The following CCDC28A variants were observed in gnomAD, a reference collection of about 807,000 sequenced individuals.
CCDC28A encodes coiled-coil domain-containing protein 28A.
A neutral mutation model predicts 22.1 loss-of-function variants in CCDC28A; 24 were observed. The ratio of observed to expected loss-of-function variants is 1.09; its 90% CI spans 0.79 to 1.53. CCDC28A has a LOEUF of 1.53. Ranked by LOEUF, CCDC28A falls within the 40% of genes most tolerant of loss-of-function variation. The pLI is 0.00. For synonymous variants in CCDC28A, 83 were observed against 74.7 expected, an observed-to-expected ratio of 1.11 and a Z score of -0.57; for missense variants, 170 against 210.7, an observed-to-expected ratio of 0.81 and a Z score of 1.20.
intron 3 of CCDC28A, among the ~76,000 whole-genome samples, chr6:138,782,924 C>A (rs769572506): frequency 5.9e-5 from 9 of 151,810 alleles, no homozygotes; most frequent in Non-Finnish European, 1.2e-4. Flanking sequence ...CTGTATAGTA[C>A]CTTTAGGAAA....
chr6:138,783,599 G>A (rs867310613), intron 3 of CCDC28A, among the ~76,000 whole-genome samples: 245 of 151,908 alleles, frequency 1.6e-3, no homozygotes, highest in African/African-American at 5.4e-3. Context: ...CACCACGCCC[G>A]GCTAATTTTT....
intron 5 of CCDC28A, among the ~76,000 whole-genome samples, 173 bp downstream of exon 5, chr6:138,788,561 T>C (rs555797023): frequency 0.028 from 3,566 of 128,646 alleles, 188 homozygotes; most frequent in African/African-American, 0.096. Flanking sequence ...TTTCTCTTTT[T>C]TCTTTTCTTT....
chr6:138,784,202 CAA>C (rs1354743969), intron 3 of CCDC28A, among the ~76,000 whole-genome samples: 4 of 152,008 alleles, frequency 2.6e-5, no homozygotes, highest in African/African-American at 9.7e-5. Flanking sequence ...GAATTTCACT[CAA>C]ATTATTACAA....
Position 138,776,220 on chromosome 6 carries a change from A to G in CCDC28A, c.100A>G (p.Ser34Gly). 1 of 1,614,154 alleles carries G rather than the reference A, an allele frequency of 6.2e-7. No homozygotes were observed. Among genetic ancestry groups the G allele is most frequent in the South Asian group, 1.1e-5 (1 of 91,082 alleles). Residue 34 changes from serine to glycine, a missense_variant, in exon 2 of 6, where the codon AGC becomes GGC. By Grantham distance (56) the Ser-to-Gly change is moderately conservative. Transcript: ENST00000617445. ...AAAAAATGCCATTCCAGTGAGTAAA[A>G]GCACAGGGTTTTCAAATCCTGCATC... is the stretch of plus-strand genomic sequence containing the variant. ...AKKNAIPVSK[S>G]TGFSNPASQS... is the part of the protein sequence containing the mutation.
At chr6:138,787,802 T>C (rs1775114379) in intron 4 of CCDC28A, among the ~76,000 whole-genome samples, 1 of 151,884 alleles carries the variant, frequency 6.6e-6, no homozygotes. Context: ...AGTGCTGGGA[T>C]TACAGGCAAG....
At chr6:138,785,089 GA>G in intron 3 of CCDC28A, 137 bp from the exon 4 acceptor site, 1 of 522,756 alleles carries the variant, frequency 1.9e-6, no homozygotes, top group South Asian at 3.9e-5. Flanking sequence ...ATTAAACACA[GA>G]AAATATTAAT....
chr6:138,773,927 T>C, intron 1 of CCDC28A, 25 bp downstream of exon 1: 1 of 1,608,494 alleles, frequency 6.2e-7, no homozygotes, highest in Non-Finnish European at 8.5e-7. Flanking sequence ...CAAAGGAACC[T>C]CCGCAACCTG....
chr6:138,775,121 A>G (rs1278692837), intron 1 of CCDC28A, among the ~76,000 whole-genome samples: 2 of 152,156 alleles, frequency 1.3e-5, no homozygotes, highest in African/African-American at 4.8e-5. Context: ...TTGTATTTTT[A>G]GTAGAGACGG....
At chr6:138,779,792 TA>T (rs1403402043) in intron 2 of CCDC28A, 29 bp from the exon 3 acceptor site, 1 of 1,574,360 alleles carries the variant, frequency 6.4e-7, no homozygotes, top group East Asian at 2.3e-5. Context: ...TAGAATAGCC[TA>T]AAAAGCCTAA....
rs1268949560 is a variant in CCDC28A at position 138,792,821 on chromosome 6, T to A, written c.*18T>A. The stretch of plus-strand genomic sequence containing the variant: ...CTAGCTAAAATGAAATGTAGTTTGC[T>A]TTCTTGTGATTTGAAGAGAAGCAGC... On this transcript the variant is annotated 3_prime_UTR_variant, in exon 6 of 6. Coordinates refer to ENST00000617445, the MANE Select transcript of CCDC28A (RefSeq NM_015439.3). 1 of 1,570,988 alleles carries A rather than the reference T, an allele frequency of 6.4e-7. No homozygotes were observed. Among genetic ancestry groups the A allele is most frequent in the South Asian group, 1.1e-5 (1 of 89,536 alleles).
intron 5 of CCDC28A, among the ~76,000 whole-genome samples, chr6:138,788,778 C>G (rs1454123371): frequency 1.3e-5 from 2 of 151,704 alleles, no homozygotes; most frequent in Admixed American, 1.3e-4. Context: ...TTGTTGTTTT[C>G]TATGCTGAAA....
chr6:138,785,922 G>T (rs1775088168), intron 4 of CCDC28A, among the ~76,000 whole-genome samples: 1 of 152,144 alleles, frequency 6.6e-6, no homozygotes, highest in Non-Finnish European at 1.5e-5. Context: ...TCAGGTGGCG[G>T]TTACTTGTTT....
chr6:138,774,933 GT>G (rs1226857868), intron 1 of CCDC28A, among the ~76,000 whole-genome samples: 2 of 146,002 alleles, frequency 1.4e-5, no homozygotes, highest in African/African-American at 2.5e-5. Flanking sequence ...TATGGAAGGG[GT>G]TTTTTTGTTT....
intron 3 of CCDC28A, among the ~76,000 whole-genome samples, chr6:138,781,359 A>G (rs1250121853): frequency 1.3e-5 from 2 of 152,190 alleles, no homozygotes; most frequent in Non-Finnish European, 2.9e-5. Context: ...ACCAAACACA[A>G]TGGCATAGTC....
chr6:138,784,428 G>A, intron 3 of CCDC28A, among the ~76,000 whole-genome samples: 1 of 146,738 alleles, frequency 6.8e-6, no homozygotes, highest in Non-Finnish European at 1.5e-5. Flanking sequence ...ACAGCTCACT[G>A]CAACCTTCAC....
chr6:138,789,277 C>T (rs1340052246), intron 5 of CCDC28A, among the ~76,000 whole-genome samples: 1 of 152,128 alleles, frequency 6.6e-6, no homozygotes, highest in Non-Finnish European at 1.5e-5. Context: ...AAGACATCCC[C>T]TTTGAACCAG....
In CCDC28A at chr6:138,773,891, C is replaced by T. The variant is rs1431464182; in HGVS notation, c.-54C>T. On this transcript the variant is annotated 5_prime_UTR_variant, in exon 1 of 6. Transcript: ENST00000617445. ...GGTTGCGGAAGGGGGCCCCAATACC[C>T]TTCTTCTTCAGGTATGTAGTGGAAG... is the stretch of plus-strand genomic sequence containing the variant. The T allele has an allele frequency of 1.9e-6, 3 of 1,613,268 alleles. No individual in the cohort carries two copies. Among genetic ancestry groups the T allele is most frequent in the Admixed American group, 1.7e-5 (1 of 59,992 alleles).
chr6:138,776,080 T>A lies in CCDC28A; in HGVS notation c.-41T>A. Reference sequence around the variant, plus strand: ...ATAATTGCTGTATTCCTTATTTAGGTCTTAAGAAGCTGGCCGTGGTGCAAT... The same window carrying A: ...ATAATTGCTGTATTCCTTATTTAGGACTTAAGAAGCTGGCCGTGGTGCAAT... On this transcript the variant is annotated splice_region_variant and 5_prime_UTR_variant, in exon 2 of 6. Coordinates refer to ENST00000617445, the MANE Select transcript of CCDC28A (RefSeq NM_015439.3). 6.2e-7 allele frequency: 1 copy of A among 1,612,474 alleles called. No homozygotes were observed. Among genetic ancestry groups the A allele is most frequent in the Non-Finnish European group, 8.5e-7 (1 of 1,178,558 alleles).
intron 5 of CCDC28A, among the ~76,000 whole-genome samples, chr6:138,792,161 T>C (rs1003093768): frequency 5.3e-5 from 8 of 152,214 alleles, no homozygotes; most frequent in Non-Finnish European, 8.8e-5. Context: ...TCTCAAAAGA[T>C]TTTTTTAATC....
Sources: allele counts gnomAD v4.1 joint callset (sites outside exome capture counted in the v4.1 genomes callset), GRCh38; gene constraint gnomAD v4.1.1; transcripts MANE v1.5; gene names NCBI Gene and HGNC (gene_info 2026-07-23, HGNC 2026-07-21).